The following RSU1 variants were observed in gnomAD, a reference collection of about 807,000 sequenced individuals.
RSU1 encodes rsu-1.
In RSU1, 26 loss-of-function variants were observed where a neutral mutation model predicts 31.1. The observed-to-expected ratio is 0.84, with a 90% CI of 0.61 to 1.16. The LOEUF (loss-of-function observed/expected upper bound fraction) is 1.16. RSU1 is among the 50% of genes most tolerant of loss of function. The pLI is 0.00. For synonymous variants in RSU1, 164 were observed against 136.3 expected (o/e 1.20, Z -1.41); for missense variants, 320 against 339.1 (o/e 0.94, Z 0.44).
chr10:16,785,396 C>G (rs980552180), intron 2 of RSU1, among the ~76,000 whole-genome samples: 3 of 103,752 alleles, frequency 2.9e-5, no homozygotes, highest in Admixed American at 9.2e-5. Flanking sequence ...TTCACTCTCT[C>G]TCTATCTTTC....
intron 8 of RSU1, among the ~76,000 whole-genome samples, chr10:16,667,444 A>C (rs1835016809): frequency 6.6e-6 from 1 of 152,188 alleles, no homozygotes; most frequent in Admixed American, 6.6e-5. Flanking sequence ...GTACTAGGGT[A>C]CAATTAAATA....
chr10:16,633,534 A>G (rs1834290295), intron 8 of RSU1, among the ~76,000 whole-genome samples: 1 of 152,128 alleles, frequency 6.6e-6, no homozygotes, highest in Non-Finnish European at 1.5e-5. Context: ...AAGGTTATTC[A>G]GCACTGGTGT....
At chr10:16,716,371 C>T (rs556397043) in intron 7 of RSU1, among the ~76,000 whole-genome samples, 2 of 152,244 alleles carry the variant, frequency 1.3e-5, no homozygotes, top group South Asian at 2.1e-4. Context: ...GAAACGTCTA[C>T]ACTATTGCAG....
intron 4 of RSU1, among the ~76,000 whole-genome samples, chr10:16,757,280 G>C (rs1427304951): frequency 1.3e-5 from 2 of 152,032 alleles, no homozygotes; most frequent in African/African-American, 4.8e-5. Context: ...GACAGATACT[G>C]AAAGGTGGAA....
At chr10:16,637,372 G>C (rs1486281818) in intron 8 of RSU1, among the ~76,000 whole-genome samples, 4 of 152,192 alleles carry the variant, frequency 2.6e-5, no homozygotes. Context: ...TGTGCAGCGG[G>C]GAATCTGCAG....
chr10:16,637,739 T>C (rs1834369873), intron 8 of RSU1, among the ~76,000 whole-genome samples: 2 of 151,846 alleles, frequency 1.3e-5, no homozygotes, highest in South Asian at 2.1e-4. Context: ...CGCGTAAACA[T>C]GACTAGTAAA....
chr10:16,777,649 T>C (rs1028837894), intron 3 of RSU1, among the ~76,000 whole-genome samples: 1 of 152,140 alleles, frequency 6.6e-6, no homozygotes, highest in Non-Finnish European at 1.5e-5. Context: ...CTTAAAATGG[T>C]TGTCCCCAAA....
At chr10:16,722,061 T>C (rs1314629945) in intron 7 of RSU1, among the ~76,000 whole-genome samples, 1 of 152,170 alleles carries the variant, frequency 6.6e-6, no homozygotes, top group African/African-American at 2.4e-5. Flanking sequence ...GGTCCAAAAA[T>C]AGTTGAGTCC....
At chr10:16,738,867 A>AC (rs35395927) in intron 7 of RSU1, among the ~76,000 whole-genome samples, 26,026 of 129,770 alleles carry the variant, frequency 0.2, 2,235 homozygotes, top group Admixed American at 0.22. Flanking sequence ...CTTGCCCCCC[A>AC]CCCCCCCAGC....
intron 2 of RSU1, among the ~76,000 whole-genome samples, chr10:16,805,255 G>A (rs566679438): frequency 6.6e-6 from 1 of 152,196 alleles, no homozygotes; most frequent in Non-Finnish European, 1.5e-5. Context: ...AGCAATCATA[G>A]CAAACGTAAC....
At chr10:16,731,642 C>T (rs1425220054) in intron 7 of RSU1, among the ~76,000 whole-genome samples, 1 of 152,088 alleles carries the variant, frequency 6.6e-6, no homozygotes, top group African/African-American at 2.4e-5. Flanking sequence ...TCTATTGCAC[C>T]AAACCTTTAC....
intron 4 of RSU1, among the ~76,000 whole-genome samples, chr10:16,761,014 T>C (rs553420626): frequency 6.6e-6 from 1 of 152,322 alleles, no homozygotes; most frequent in Non-Finnish European, 1.5e-5. Context: ...CGATCTCAGT[T>C]CACTGAAACC....
chr10:16,744,236 A>G (rs1836804747), intron 7 of RSU1, among the ~76,000 whole-genome samples: 2 of 152,198 alleles, frequency 1.3e-5, no homozygotes, highest in Non-Finnish European at 2.9e-5. Flanking sequence ...AATTGATAAT[A>G]AAGATTTCAA....
intron 7 of RSU1, among the ~76,000 whole-genome samples, chr10:16,746,832 T>C (rs910088392): frequency 3.9e-5 from 6 of 152,104 alleles, no homozygotes; most frequent in African/African-American, 1.4e-4. Flanking sequence ...GGGGTGAAAG[T>C]TCAGTTAGCC....
intron 8 of RSU1, among the ~76,000 whole-genome samples, chr10:16,594,470 G>T (rs942951550): frequency 6.6e-6 from 1 of 151,324 alleles, no homozygotes; most frequent in Non-Finnish European, 1.5e-5. Flanking sequence ...CTGGAGGGCA[G>T]TGTATGATCA....
intron 3 of RSU1, among the ~76,000 whole-genome samples, chr10:16,777,971 T>C (rs1038155286): frequency 3.3e-5 from 5 of 151,878 alleles, no homozygotes; most frequent in African/African-American, 1.2e-4. Context: ...GGCTCTATGA[T>C]TGTAAAGATG....
chr10:16,634,358 C>A (rs1834310335), intron 8 of RSU1, among the ~76,000 whole-genome samples: 2 of 152,200 alleles, frequency 1.3e-5, no homozygotes, highest in African/African-American at 4.8e-5. Flanking sequence ...AAACAAGCCA[C>A]AAGATTCCAA....
chr10:16,780,315 G>C (rs923623505), intron 3 of RSU1, among the ~76,000 whole-genome samples: 5 of 152,152 alleles, frequency 3.3e-5, no homozygotes, highest in African/African-American at 4.8e-5. Context: ...TGCAGAGCAG[G>C]GTCGTCATCA....
intron 7 of RSU1, 59 bp from the exon 8 acceptor site, chr10:16,695,214 A>G: frequency 6.6e-7 from 1 of 1,522,370 alleles, no homozygotes; most frequent in Non-Finnish European, 8.9e-7. Flanking sequence ...CAGGTCTAAG[A>G]AGTCCTTCTC....
Sources: allele counts gnomAD v4.1 joint callset (sites outside exome capture counted in the v4.1 genomes callset), GRCh38; gene constraint gnomAD v4.1.1; transcripts MANE v1.5; gene names NCBI Gene and HGNC (gene_info 2026-07-23, HGNC 2026-07-21).